PLCE1: variants seen among roughly 807,000 people sequenced by gnomAD.
PLCE1 encodes the protein 1-phosphatidylinositol 4,5-bisphosphate phosphodiesterase epsilon-1.
A neutral mutation model predicts 242.8 loss-of-function variants in PLCE1; 119 were observed. The observed-to-expected ratio is 0.49, with a 90% CI of 0.42 to 0.57. The LOEUF is 0.57. PLCE1 is among the 20% of genes least tolerant of loss of function. The pLI is 0.00. For synonymous variants in PLCE1, 945 were observed against 1,017.4 expected, an observed-to-expected ratio of 0.93 and a Z score of 1.35; for missense variants, 2,441 against 2,788.8, an observed-to-expected ratio of 0.88 and a Z score of 2.81.
rs377519782 is a variant in PLCE1, at chr10:94,294,337, A to G, written c.5167+698A>G. Among the ~76,000 whole-genome samples, 36 of 152,284 alleles carry G rather than the reference A, an allele frequency of 2.4e-4. 1 individual carries two copies. In the East Asian group the frequency reaches 5.2e-3, roughly 22 times the overall value. ...ATTCTTGTAGTTAAAAACTCAAACA[A>G]TACAGAGTATTATTAAAATTCCTTT... On this transcript the variant is annotated intron_variant, in intron 23 of 32. Transcript: ENST00000371380.
In PLCE1 at chr10:94,132,393, T is replaced by A. The variant is rs749189889; in HGVS notation, c.1426T>A (p.Ser476Thr). The change falls in exon 3 of 33, where the codon TCT becomes ACT. Residue 476 changes from serine to threonine, a missense_variant. Ser to Thr is a moderately conservative substitution (Grantham distance 58). Transcript: ENST00000371380. ...ITGSLLEATT[S>T]LGARSGLLST... ...CGGTTCTCTCCTAGAAGCAACCACG[T>A]CTTTGGGAGCAAGAAGTGGCCTTCT... is the stretch of plus-strand genomic sequence containing the variant. 1 of 1,614,116 alleles carries A rather than the reference T, an allele frequency of 6.2e-7. No individual in the cohort carries two copies. Among genetic ancestry groups the A allele is most frequent in the South Asian group, 1.1e-5 (1 of 91,078 alleles).
rs1564905187 is a variant in PLCE1 at position 94,329,797 on chromosome 10, A to AAAC, written c.*1856_*1857insCAA. 33 of 150,488 alleles carry AAAC rather than the reference A, an allele frequency of 2.2e-4. No homozygotes were observed. The highest frequency in any genetic ancestry group is 4.2e-4 in the South Asian group (2 of 4,750). The allele number at this position is 150,488 out of a possible 1,614,324, so 9.3% of individuals were successfully genotyped here. ...GTCTCAAAAAAAAAAAAAAAAAAAA[A>AAAC]AAAAAAAAAAAAAACACCATACAGC... On this transcript the variant is annotated 3_prime_UTR_variant, in exon 33 of 33. Coordinates refer to ENST00000371380, the MANE Select transcript of PLCE1 (RefSeq NM_016341.4).
chr10:94,211,477 A>G (rs531429029), intron 4 of PLCE1, among the ~76,000 whole-genome samples: 2 of 152,364 alleles, frequency 1.3e-5, no homozygotes, highest in South Asian at 4.1e-4. Flanking sequence ...AATAAGAGAA[A>G]TGGACTAAAT....
chr10:94,324,942 G>T lies in PLCE1; in HGVS notation c.6771G>T (p.Lys2257Asn). The change falls in exon 32 of 33, where the codon AAG becomes AAT. Residue 2257 changes from lysine (K) to asparagine (N), a missense_variant. Transcript: ENST00000371380. ...GCATTTCTTTCGCAAGTGAACTCAAGAAGCTCACCAAGTCAACTAAACAGC... is the reference window on the plus strand; with the variant it reads ...GCATTTCTTTCGCAAGTGAACTCAATAAGCTCACCAAGTCAACTAAACAGC... Reference protein sequence around the residue: ...KKGISFASELKKLTKSTKQPR... With the variant: ...KKGISFASELNKLTKSTKQPR... 6.2e-7 allele frequency: 1 copy of T among 1,614,170 alleles called. No homozygotes were observed. The highest frequency in any genetic ancestry group is 1.1e-5 in the South Asian group (1 of 91,084).
At chr10:94,211,278 G>A (rs1468788991) in intron 4 of PLCE1, among the ~76,000 whole-genome samples, 1 of 152,198 alleles carries the variant, frequency 6.6e-6, no homozygotes, top group African/African-American at 2.4e-5. Flanking sequence ...GCCTGCCTAT[G>A]AAGGCCTACA....
chr10:94,252,418 A>G lies in PLCE1; in HGVS notation c.3199A>G (p.Asn1067Asp). 6.2e-7 allele frequency: 1 copy of G among 1,613,924 alleles called. No homozygotes were observed. The highest frequency in any genetic ancestry group is 8.5e-7 in the Non-Finnish European group (1 of 1,179,804). ...CCCCAGCCCCGGAACATCAGCAAAG[A>G]ATGCTGAGAAGCCCAATATGCAGAG... is the stretch of plus-strand genomic sequence containing the variant. ...RNPSPGTSAK[N>D]AEKPNMQRNN... Residue 1067 changes from asparagine (N) to aspartate (D), a missense_variant, in exon 9 of 33, where the codon AAT becomes GAT. Asn to Asp is a conservative substitution (Grantham distance 23). Transcript: ENST00000371380.
In PLCE1 at chr10:94,316,885, T is replaced by C. The variant is rs993502874; in HGVS notation, c.6342+129T>C. The C allele has an allele frequency of 1.1e-5, 8 of 723,564 alleles. No homozygotes were observed. The African/African-American group carries it at 1.2e-4, about 11-fold the overall frequency. The allele number at this position is 723,564 out of a possible 1,614,324, so 44.8% of individuals were successfully genotyped here. A position where few individuals can be genotyped will look rare whatever the true frequency, so the allele number is the denominator to read the frequency against. On this transcript the variant is annotated intron_variant, in intron 29 of 32. Coordinates refer to ENST00000371380, the MANE Select transcript of PLCE1 (RefSeq NM_016341.4). The stretch of plus-strand genomic sequence containing the variant: ...TTGGTTTATATTCTTCTTAAGTAAA[T>C]GTGGATGAACAGTTTTATTCTTCTG...
chr10:94,043,268 A>G (rs1039976846), intron 2 of PLCE1, among the ~76,000 whole-genome samples: 4 of 152,184 alleles, frequency 2.6e-5, no homozygotes, highest in African/African-American at 9.7e-5. Context: ...CCTTTCATAA[A>G]TGCTGCAAGC....
chr10:94,031,869 A>T lies in PLCE1; in HGVS notation c.823A>T (p.Met275Leu), dbSNP rs201683279. The change falls in exon 2 of 33, where the codon ATG becomes TTG. Residue 275 changes from methionine to leucine, a missense_variant. This residue lies in a region of PLCE1 where 393 missense variants were observed against 378.5 expected (regional missense o/e 1.04). Coordinates refer to ENST00000371380, the MANE Select transcript of PLCE1 (RefSeq NM_016341.4). ...CFEGSCEKVD[M>L]VYSGDSFCRK... The stretch of plus-strand genomic sequence containing the variant: ...TGAAGGCTCTTGTGAGAAGGTTGAC[A>T]TGGTATATTCAGGTGATAGCTTTTG... The T allele has an allele frequency of 6.2e-6, 10 of 1,613,894 alleles. 1 individual carries two copies. In the South Asian group the frequency reaches 9.9e-5, roughly 16 times the overall value.
chr10:94,070,244 T>G (rs1015422967), intron 2 of PLCE1, among the ~76,000 whole-genome samples: 1 of 152,224 alleles, frequency 6.6e-6, no homozygotes, highest in African/African-American at 2.4e-5. Context: ...GGAATAGTAA[T>G]GTATGCAATC....
intron 11 of PLCE1, among the ~76,000 whole-genome samples, chr10:94,257,285 A>G (rs1449517123): frequency 6.6e-6 from 1 of 151,464 alleles, no homozygotes; most frequent in African/African-American, 2.4e-5. Flanking sequence ...ATATACATAA[A>G]ATAGACTTCA....
chr10:94,166,414 CA>C (rs1474523163), intron 3 of PLCE1, among the ~76,000 whole-genome samples: 1 of 152,108 alleles, frequency 6.6e-6, no homozygotes, highest in African/African-American at 2.4e-5. Context: ...GTTTCTGAAA[CA>C]TAGGTACATG....
chr10:94,274,100 C>T (rs1307227894), intron 19 of PLCE1, among the ~76,000 whole-genome samples: 1 of 152,050 alleles, frequency 6.6e-6, no homozygotes, highest in Non-Finnish European at 1.5e-5. Flanking sequence ...TAGTAGAAGC[C>T]CAAAAGCCAT....
At chr10:94,104,444 T>C (rs1294506748) in intron 2 of PLCE1, 5 of 152,204 alleles carry the variant, frequency 3.3e-5, no homozygotes, top group East Asian at 1.9e-4. Context: ...CTGAAGTTCA[T>C]GTATCCCATG....
rs746686616 is a variant in PLCE1, at chr10:94,246,426, G to A, written c.2901G>A (p.Leu967=). 3.1e-6 allele frequency: 5 copies of A among 1,614,088 alleles called. No homozygotes were observed. The highest frequency in any genetic ancestry group is 2.7e-5 in the African/African-American group (2 of 74,942). ...AGAACAAACTGGGTAGCATGTTCCT[G>A]TCAGAGACTGGTGTGACATTGCTCT... ...CVQNKLGSMF[L]SETGVTLLYG... The change falls in exon 8 of 33, where the codon CTG becomes CTA. Residue 967 remains leucine, a synonymous_variant. Transcript: ENST00000371380.
At chr10:94,293,173 ATAAT>A (rs2052697569) in intron 22 of PLCE1, among the ~76,000 whole-genome samples, 1 of 152,212 alleles carries the variant, frequency 6.6e-6, no homozygotes, top group Admixed American at 6.5e-5. Flanking sequence ...TCCAAATTAA[ATAAT>A]TAGCCACTGA....
intron 24 of PLCE1, among the ~76,000 whole-genome samples, chr10:94,300,957 C>T (rs555661246): frequency 8.5e-4 from 130 of 152,174 alleles, no homozygotes; most frequent in Non-Finnish European, 1.5e-3. Flanking sequence ...CCCAGCTACT[C>T]GGAAGGCTGA....
rs114313211 is a variant in PLCE1 at position 94,255,749 on chromosome 10, G to T, written c.3554+700G>T. On this transcript the variant is annotated intron_variant, in intron 11 of 32. Coordinates refer to ENST00000371380, the MANE Select transcript of PLCE1 (RefSeq NM_016341.4). ...TATCTTCCCTCTCAGAAGAAGGAAT[G>T]ATATTAAAATGGCAGACTTCCAAAG... 2.2e-3 allele frequency among the ~76,000 whole-genome samples: 334 copies of T among 152,188 alleles called. 1 individual carries two copies. Among genetic ancestry groups the T allele is most frequent in the African/African-American group, 7.7e-3 (321 of 41,540 alleles).
chr10:94,176,093 G>A (rs1452606573), intron 4 of PLCE1, among the ~76,000 whole-genome samples: 6 of 152,092 alleles, frequency 3.9e-5, no homozygotes, highest in African/African-American at 1.4e-4. Context: ...GTGGGGTTGC[G>A]AGATCACTGA....
Sources: allele counts gnomAD v4.1 joint callset (sites outside exome capture counted in the v4.1 genomes callset), GRCh38; gene constraint gnomAD v4.1.1; regional missense constraint gnomAD v4.1.1; transcripts MANE v1.5; gene names NCBI Gene and HGNC (gene_info 2026-07-23, HGNC 2026-07-21).